EPHA5: variants seen among roughly 807,000 people sequenced by gnomAD.
The protein encoded by EPHA5 is EPH receptor A5.
A neutral mutation model predicts 105.0 loss-of-function variants in EPHA5; 60 were observed. That is an observed-to-expected ratio of 0.57 (90% CI 0.46 to 0.71). The LOEUF (loss-of-function observed/expected upper bound fraction) is 0.71, where lower values mean the gene tolerates loss of function less well. Ranked by LOEUF, EPHA5 falls within the 30% of genes least tolerant of loss-of-function variation. EPHA5 has a pLI of 0.00. For missense variants in EPHA5, 1,218 were observed against 1,274.7 expected (o/e 0.96, Z 0.68); for synonymous variants, 513 against 449.1 (o/e 1.14, Z -1.80).
At chr4:65,497,114 A>C (rs1179364195) in intron 3 of EPHA5, among the ~76,000 whole-genome samples, 2 of 152,158 alleles carry the variant, frequency 1.3e-5, no homozygotes, top group Non-Finnish European at 2.9e-5. Flanking sequence ...ACTTTAAATA[A>C]AGCTAATCAA....
intron 5 of EPHA5, among the ~76,000 whole-genome samples, chr4:65,434,809 T>G (rs1304820010): frequency 6.6e-6 from 1 of 152,172 alleles, no homozygotes; most frequent in Non-Finnish European, 1.5e-5. Flanking sequence ...TAAATTGTTA[T>G]GTTGAAATCA....
At chr4:65,596,039 C>A (rs1743147456) in intron 3 of EPHA5, among the ~76,000 whole-genome samples, 2 of 152,178 alleles carry the variant, frequency 1.3e-5, no homozygotes, top group African/African-American at 4.8e-5. Context: ...GGCATGCTGC[C>A]TCTTACAAGC....
chr4:65,441,316 A>C (rs186740901), intron 5 of EPHA5, among the ~76,000 whole-genome samples: 73 of 152,202 alleles, frequency 4.8e-4, no homozygotes, highest in African/African-American at 1.7e-3. Context: ...GGCAAAATTA[A>C]AAATAATCTA....
At chr4:65,541,303 C>A (rs1025304878) in intron 3 of EPHA5, among the ~76,000 whole-genome samples, 2 of 151,734 alleles carry the variant, frequency 1.3e-5, no homozygotes, top group South Asian at 4.1e-4. Context: ...AAGACACAGA[C>A]TGGCAAATTG....
intron 5 of EPHA5, among the ~76,000 whole-genome samples, chr4:65,437,473 G>T (rs983633760): frequency 2.6e-5 from 4 of 151,898 alleles, no homozygotes; most frequent in Non-Finnish European, 5.9e-5. Context: ...AGTAATAAAA[G>T]ACTTTTCACT....
intron 3 of EPHA5, among the ~76,000 whole-genome samples, chr4:65,515,915 T>C (rs879187521): frequency 1.3e-5 from 2 of 152,108 alleles, no homozygotes; most frequent in Admixed American, 1.3e-4. Flanking sequence ...CAATATCTCT[T>C]CTTGAACTAG....
At chr4:65,516,372 G>A (rs1329958423) in intron 3 of EPHA5, among the ~76,000 whole-genome samples, 4 of 152,104 alleles carry the variant, frequency 2.6e-5, no homozygotes, top group African/African-American at 4.8e-5. Context: ...GATAATCAGA[G>A]AAATCTTCAT....
chr4:65,593,876 G>A (rs188002586), intron 3 of EPHA5, among the ~76,000 whole-genome samples: 2 of 152,280 alleles, frequency 1.3e-5, no homozygotes, highest in East Asian at 3.9e-4. Context: ...ATGATTTTAT[G>A]CAAGTGTTGG....
intron 11 of EPHA5, among the ~76,000 whole-genome samples, chr4:65,358,611 G>C (rs533772951): frequency 6.6e-6 from 1 of 151,502 alleles, no homozygotes; most frequent in Middle Eastern, 3.4e-3. Flanking sequence ...CTTATTAAAA[G>C]GGGAAAAAAC....
At chr4:65,641,682 C>T (rs1372542428) in intron 2 of EPHA5, among the ~76,000 whole-genome samples, 2 of 151,972 alleles carry the variant, frequency 1.3e-5, no homozygotes, top group Non-Finnish European at 2.9e-5. Flanking sequence ...CTCAAATATA[C>T]ATTCATTAAG....
chr4:65,498,851 G>T (rs1017673871), intron 3 of EPHA5, among the ~76,000 whole-genome samples: 1 of 151,660 alleles, frequency 6.6e-6, no homozygotes, highest in Admixed American at 6.6e-5. Flanking sequence ...TATTATCCAA[G>T]AAAAATGTCA....
chr4:65,571,566 G>A (rs1740184577), intron 3 of EPHA5, among the ~76,000 whole-genome samples: 2 of 151,998 alleles, frequency 1.3e-5, no homozygotes, highest in Admixed American at 6.5e-5. Context: ...AAGAAAAGAG[G>A]TTTGCTTCCT....
chr4:65,472,995 A>T (rs1460943063), intron 5 of EPHA5, among the ~76,000 whole-genome samples: 1 of 152,132 alleles, frequency 6.6e-6, no homozygotes, highest in Non-Finnish European at 1.5e-5. Flanking sequence ...TTAAACATAA[A>T]TTCCAGTTTC....
chr4:65,441,923 A>G (rs769278738), intron 5 of EPHA5, among the ~76,000 whole-genome samples: 17 of 152,186 alleles, frequency 1.1e-4, no homozygotes, highest in Non-Finnish European at 2.1e-4. Flanking sequence ...TCTAACATTT[A>G]TAGAGCGTTC....
intron 3 of EPHA5, among the ~76,000 whole-genome samples, chr4:65,523,158 T>C (rs1421890932): frequency 6.6e-6 from 1 of 151,894 alleles, no homozygotes; most frequent in African/African-American, 2.4e-5. Context: ...ATGTCATATA[T>C]TCATATATTA....
At chr4:65,635,713 A>C (rs985709378) in intron 2 of EPHA5, among the ~76,000 whole-genome samples, 26 of 152,188 alleles carry the variant, frequency 1.7e-4, no homozygotes, top group African/African-American at 6.3e-4. Flanking sequence ...ACACTTGATA[A>C]AAATTTCCAG....
At chr4:65,598,578 A>T (rs957120381) in intron 3 of EPHA5, among the ~76,000 whole-genome samples, 1 of 152,176 alleles carries the variant, frequency 6.6e-6, no homozygotes, top group South Asian at 2.1e-4. Flanking sequence ...AATTAAACAG[A>T]TAACAAGTAT....
chr4:65,334,971 G>T (rs1721031226), intron 15 of EPHA5, among the ~76,000 whole-genome samples: 1 of 151,896 alleles, frequency 6.6e-6, no homozygotes, highest in South Asian at 2.1e-4. Context: ...TTCTCCATTT[G>T]CTACCACAGG....
intron 8 of EPHA5, among the ~76,000 whole-genome samples, chr4:65,387,956 A>AACCC (rs1720279154): frequency 3.7e-4 from 1 of 2,682 alleles, no homozygotes; most frequent in African/African-American, 1.7e-3. Flanking sequence ...TCCTAATGCT[A>AACCC]TCCCTCCCCC....
Sources: gnomAD v4.1 joint callset for allele counts (sites outside exome capture counted in the v4.1 genomes callset) on GRCh38, gnomAD v4.1.1 for gene constraint, MANE v1.5 for transcripts, NCBI Gene and HGNC (gene_info 2026-07-23, HGNC 2026-07-21) for gene names.